Variants in PGPEP1L observed in about 807,000 individuals in gnomAD.
The protein encoded by PGPEP1L is pyroglutamyl-peptidase I like, also known as pyroglutamyl-peptidase 1-like protein.
PGPEP1L carries 7 observed loss-of-function variants against 6.0 expected under a neutral mutation model. The ratio of observed to expected loss-of-function variants is 1.17; its 90% CI spans 0.66 to 2.19. The LOEUF is 2.19. Ranked by LOEUF, PGPEP1L falls within the 30% of genes most tolerant of loss-of-function variation. The pLI is 0.00. For missense variants in PGPEP1L, 209 were observed against 192.5 expected, an observed-to-expected ratio of 1.09 and a Z score of -0.51; for synonymous variants, 103 against 83.9, an observed-to-expected ratio of 1.23 and a Z score of -1.24.
intron 2 of PGPEP1L, among the ~76,000 whole-genome samples, chr15:98,974,822 G>GGGAGGC (rs576248311): frequency 3.7e-4 from 56 of 152,242 alleles, no homozygotes; most frequent in African/African-American, 1.2e-3. Context: ...CTTGAACCCT[G>GGGAGGC]GGAGGCGGAG....
chr15:98,981,022 T>A (rs969853409), intron 2 of PGPEP1L, among the ~76,000 whole-genome samples: 5 of 152,004 alleles, frequency 3.3e-5, no homozygotes, highest in African/African-American at 1.2e-4. Flanking sequence ...TCATGGACAG[T>A]GCTGTCACAC....
intron 2 of PGPEP1L, among the ~76,000 whole-genome samples, chr15:98,976,262 A>G (rs944387111): frequency 3.2e-4 from 48 of 152,266 alleles, no homozygotes; most frequent in African/African-American, 1.1e-3. Flanking sequence ...CATAATTTTA[A>G]GAAAATTATG....
chr15:98,988,881 G>C (rs1430663345), intron 2 of PGPEP1L, among the ~76,000 whole-genome samples: 1 of 152,206 alleles, frequency 6.6e-6, no homozygotes, highest in African/African-American at 2.4e-5. Context: ...ACCTGCAGTA[G>C]AGTGCCCTGA....
chr15:99,005,809 C>A (rs1316532751), intron 1 of PGPEP1L, among the ~76,000 whole-genome samples, 153 bp from the exon 2 acceptor site: 1 of 152,162 alleles, frequency 6.6e-6, no homozygotes, highest in Non-Finnish European at 1.5e-5. Flanking sequence ...GTTTGGCTAC[C>A]AGCTGTCCCG....
chr15:99,007,612 C>T lies in PGPEP1L; in HGVS notation c.-623G>A, dbSNP rs773490544. ...TTAAGGTGGCGTGTTTGGAGTTATT[C>T]GTTTCTCCCGGTGGGTCCGTGATGT... On this transcript the variant is annotated 5_prime_UTR_variant, in exon 1 of 5. Coordinates refer to ENST00000535714, the MANE Select transcript of PGPEP1L (RefSeq NM_001167902.2). The T allele has an allele frequency of 2.6e-5, 4 of 151,950 alleles. No individual in the cohort carries two copies. The highest frequency in any genetic ancestry group is 2.1e-4 in the South Asian group (1 of 4,788). The allele number at this position is 151,950 out of a possible 1,614,324, so 9.4% of individuals were successfully genotyped here.
rs112630363 is a variant in PGPEP1L, at chr15:98,988,787, C to A, written c.-142+16642G>T. 8.6e-3 allele frequency among the ~76,000 whole-genome samples: 1,305 copies of A among 152,256 alleles called. 26 individuals are homozygous for A. Among genetic ancestry groups the A allele is most frequent in the African/African-American group, 0.03 (1,234 of 41,544 alleles). On this transcript the variant is annotated intron_variant, in intron 2 of 4. Coordinates refer to ENST00000535714, the MANE Select transcript of PGPEP1L (RefSeq NM_001167902.2). The stretch of plus-strand genomic sequence containing the variant: ...TGCCCCTCTAGGACGAAGCTTCAGG[C>A]GGCAATCTTTGCTGTCCTGCAGCCT...
At chr15:98,989,516 A>C (rs2017791428) in intron 2 of PGPEP1L, among the ~76,000 whole-genome samples, 1 of 152,194 alleles carries the variant, frequency 6.6e-6, no homozygotes, top group African/African-American at 2.4e-5. Flanking sequence ...GGTGTACCTG[A>C]AAAGTGACAG....
chr15:98,985,070 A>G (rs930439548), intron 2 of PGPEP1L, among the ~76,000 whole-genome samples: 3 of 152,168 alleles, frequency 2.0e-5, no homozygotes, highest in African/African-American at 7.2e-5. Flanking sequence ...AGCAGCCTAT[A>G]GTGCAGTCTA....
intron 2 of PGPEP1L, among the ~76,000 whole-genome samples, chr15:98,992,829 A>G (rs1260284482): frequency 6.6e-6 from 1 of 152,224 alleles, no homozygotes; most frequent in Non-Finnish European, 1.5e-5. Flanking sequence ...CAAACCTGAC[A>G]AAAACAAGCA....
intron 1 of PGPEP1L, among the ~76,000 whole-genome samples, chr15:99,007,150 A>T (rs1555473771): frequency 6.6e-6 from 1 of 152,188 alleles, no homozygotes; most frequent in Non-Finnish European, 1.5e-5. Flanking sequence ...TTCACTGCCA[A>T]CAGGTGGGAA....
intron 2 of PGPEP1L, among the ~76,000 whole-genome samples, chr15:98,998,521 T>C (rs1161565278): frequency 6.6e-6 from 1 of 152,218 alleles, no homozygotes; most frequent in Non-Finnish European, 1.5e-5. Flanking sequence ...CCCAATTGTT[T>C]GTTGACATAG....
chr15:98,997,354 G>A (rs1389037559), intron 2 of PGPEP1L, among the ~76,000 whole-genome samples: 1 of 152,206 alleles, frequency 6.6e-6, no homozygotes, highest in Non-Finnish European at 1.5e-5. Context: ...CAAATGCATG[G>A]TGCAAGGGGT....
chr15:98,969,570 C>A lies in PGPEP1L; in HGVS notation c.64G>T (p.Ala22Ser). ...TCGGGCCAGAAGCTGCGGATGTCGGCGTCCCGGTAGCCTTGGTTCTTGCCA... is the reference window on the plus strand; with the variant it reads ...TCGGGCCAGAAGCTGCGGATGTCGGAGTCCCGGTAGCCTTGGTTCTTGCCA... The part of the protein sequence containing the change: ...QSGKNQGYRD[A>S]DIRSFWPEGG... Residue 22 changes from alanine to serine, a missense_variant, in exon 4 of 5, where the codon GCC becomes TCC. Coordinates refer to ENST00000535714, the MANE Select transcript of PGPEP1L (RefSeq NM_001167902.2). 6.2e-7 allele frequency: 1 copy of A among 1,613,916 alleles called. No homozygotes were observed. The highest frequency in any genetic ancestry group is 1.3e-5 in the African/African-American group (1 of 75,056).
intron 2 of PGPEP1L, among the ~76,000 whole-genome samples, chr15:98,974,343 C>T (rs1446501948): frequency 2.6e-5 from 4 of 152,024 alleles, no homozygotes; most frequent in Admixed American, 6.5e-5. Flanking sequence ...CACAGCACTG[C>T]ACTCCAGCCT....
At chr15:98,973,118 GAAC>G (rs778014542) in intron 2 of PGPEP1L, among the ~76,000 whole-genome samples, 16 of 152,006 alleles carry the variant, frequency 1.1e-4, no homozygotes, top group African/African-American at 3.1e-4. Context: ...GGACACAGAA[GAAC>G]ATCATATAAT....
intron 2 of PGPEP1L, among the ~76,000 whole-genome samples, chr15:98,994,369 A>T (rs1489311412): frequency 6.6e-6 from 1 of 151,484 alleles, no homozygotes; most frequent in African/African-American, 2.4e-5. Context: ...ACAAGAAGCT[A>T]CTGGCCCGGC....
At chr15:98,995,487 CAGG>C (rs1420035346) in intron 2 of PGPEP1L, among the ~76,000 whole-genome samples, 1 of 152,168 alleles carries the variant, frequency 6.6e-6, no homozygotes. Flanking sequence ...CACCTGAGGT[CAGG>C]AGTTCGAGAC....
chr15:99,002,085 T>TA (rs1482892644), intron 2 of PGPEP1L, among the ~76,000 whole-genome samples: 1 of 152,116 alleles, frequency 6.6e-6, no homozygotes, highest in East Asian at 1.9e-4. Context: ...GATCATAGCT[T>TA]ACTGCAGCTT....
chr15:98,996,524 ATGTGTGTGTG>A (rs58220323), intron 2 of PGPEP1L, among the ~76,000 whole-genome samples: 37 of 151,670 alleles, frequency 2.4e-4, no homozygotes, highest in South Asian at 1.0e-3. Context: ...ATATAGGGGT[ATGTGTGTGTG>A]TGTGTGTGTG....
Sources: allele counts gnomAD v4.1 joint callset (sites outside exome capture counted in the v4.1 genomes callset), GRCh38; gene constraint gnomAD v4.1.1; transcripts MANE v1.5; gene names NCBI Gene and HGNC (gene_info 2026-07-23, HGNC 2026-07-21).